ZNF638: variants seen among roughly 807,000 people sequenced by gnomAD.
ZNF638 encodes zinc finger protein 638.
Under a neutral mutation model 195.6 loss-of-function variants are expected in ZNF638, and 46 were observed. The observed-to-expected ratio is 0.24, with a 90% CI of 0.19 to 0.30. The LOEUF is 0.30. Among genes scored for constraint, ZNF638 ranks in the 10% least tolerant of loss-of-function variants. ZNF638 has a pLI of 1.00. For missense variants in ZNF638, 2,440 were observed against 2,325.3 expected (o/e 1.05, Z -1.01); for synonymous variants, 845 against 772.0 (o/e 1.09, Z -1.57).
At chr2:71,410,872 T>C (rs2080200650) in intron 20 of ZNF638, among the ~76,000 whole-genome samples, 1 of 151,674 alleles carries the variant, frequency 6.6e-6, no homozygotes, top group Non-Finnish European at 1.5e-5. Context: ...CCAGAATTTC[T>C]AAAGAGAGGG....
chr2:71,396,280 A>C (rs1363843374), intron 11 of ZNF638, 89 bp downstream of exon 11: 1 of 1,061,372 alleles, frequency 9.4e-7, no homozygotes, highest in African/African-American at 1.6e-5. Flanking sequence ...TGGATTTCAC[A>C]TGACATAGTC....
At chr2:71,365,803 T>G in intron 6 of ZNF638, 97 bp downstream of exon 6, 4 of 1,190,110 alleles carry the variant, frequency 3.4e-6, no homozygotes, top group South Asian at 3.3e-5. Flanking sequence ...CACTGCAGCC[T>G]CGATCTCCTG....
intron 27 of ZNF638, 127 bp downstream of exon 27, chr2:71,433,410 G>A (rs2080706515): frequency 2.9e-6 from 2 of 679,948 alleles, no homozygotes; most frequent in East Asian, 5.5e-5. Context: ...TTCCTCTTAA[G>A]TCCTGTTTTC....
chr2:71,407,434 A>C (rs1242850767), intron 19 of ZNF638: 1 of 152,228 alleles, frequency 6.6e-6, no homozygotes, highest in African/African-American at 2.4e-5. Flanking sequence ...TTTCCTTTAA[A>C]TAAGGATTAA....
chr2:71,400,554 C>A, intron 15 of ZNF638, 36 bp downstream of exon 15: 1 of 1,534,596 alleles, frequency 6.5e-7, no homozygotes, highest in South Asian at 1.2e-5. Flanking sequence ...CTTTAAAGCT[C>A]AAGACATTTT....
At chr2:71,399,484 C>A in intron 12 of ZNF638, 75 bp from the exon 13 acceptor site, 1 of 969,960 alleles carries the variant, frequency 1.0e-6, no homozygotes, top group Non-Finnish European at 1.6e-6. Context: ...AACTAATTTA[C>A]TAATACATTA....
At chr2:71,375,870 A>G (rs903547933) in intron 8 of ZNF638, 1 of 152,200 alleles carries the variant, frequency 6.6e-6, no homozygotes, top group Non-Finnish European at 1.5e-5. Context: ...GATAATGGTA[A>G]TGGTTTGTGG....
At chr2:71,372,283 C>T (rs1050447567) in intron 8 of ZNF638, among the ~76,000 whole-genome samples, 1 of 152,080 alleles carries the variant, frequency 6.6e-6, no homozygotes. Flanking sequence ...GCACTTTAGC[C>T]CATGGTAGTG....
intron 20 of ZNF638, chr2:71,418,228 T>A (rs1489343344): frequency 6.2e-6 from 1 of 161,880 alleles, no homozygotes; most frequent in Non-Finnish European, 1.3e-5. Context: ...GAAACTTTTT[T>A]AGTCAGCTGA....
chr2:71,393,299 G>A, intron 10 of ZNF638: 1 of 635,730 alleles, frequency 1.6e-6, no homozygotes, highest in Admixed American at 2.6e-5. Context: ...AAAACCCGCA[G>A]TTTTATGGAA....
intron 11 of ZNF638, among the ~76,000 whole-genome samples, chr2:71,398,362 T>A (rs1449560899): frequency 1.3e-5 from 2 of 152,298 alleles, no homozygotes; most frequent in South Asian, 2.1e-4. Context: ...CAGTTTTTTT[T>A]AAGTACTTAC....
chr2:71,366,397 TA>T (rs950021275), intron 6 of ZNF638, among the ~76,000 whole-genome samples: 15 of 152,280 alleles, frequency 9.9e-5, no homozygotes, highest in South Asian at 8.3e-4. Context: ...TTAACTTTTT[TA>T]TTCCGTGTTT....
intron 10 of ZNF638, chr2:71,395,597 G>A (rs1352382791): frequency 8.5e-6 from 5 of 586,412 alleles, no homozygotes; most frequent in Admixed American, 6.6e-5. Context: ...CTGCTCCCAA[G>A]GCGGTGGGGG....
chr2:71,363,610 G>T (rs866487522), intron 4 of ZNF638, among the ~76,000 whole-genome samples: 1 of 152,138 alleles, frequency 6.6e-6, no homozygotes, highest in African/African-American at 2.4e-5. Context: ...ATCTGTTTAC[G>T]TAAATCATTT....
At chr2:71,393,449 C>T (rs1292453031) in intron 10 of ZNF638, 1 of 718,366 alleles carries the variant, frequency 1.4e-6, no homozygotes, top group Non-Finnish European at 2.6e-6. Context: ...TGGCTAGGAC[C>T]CAACACAGTA....
chr2:71,426,534 G>T lies in ZNF638; in HGVS notation c.4665G>T (p.Gln1555His), dbSNP rs1199040970. 6.2e-7 allele frequency: 1 copy of T among 1,613,786 alleles called. No individual in the cohort carries two copies. The highest frequency in any genetic ancestry group is 8.5e-7 in the Non-Finnish European group (1 of 1,179,946). Residue 1555 changes from glutamine (Q) to histidine (H), a missense_variant, in exon 24 of 28, where the codon CAG becomes CAT. Coordinates refer to ENST00000264447, the MANE Select transcript of ZNF638 (RefSeq NM_014497.5). ...TTATAGAAGAAGTGAATCCTTCTCA[G>T]GCCAAGCAGAATCCACTAAAGGGAA... ...DEVIEEVNPSQAKQNPLKGKR... is the reference protein window; with the variant it reads ...DEVIEEVNPSHAKQNPLKGKR...
intron 24 of ZNF638, 71 bp downstream of exon 24, chr2:71,427,485 T>C: frequency 8.7e-7 from 1 of 1,155,820 alleles, no homozygotes; most frequent in South Asian, 1.7e-5. Flanking sequence ...TTAAAATACA[T>C]GTTGTGGCAT....
intron 1 of ZNF638, among the ~76,000 whole-genome samples, chr2:71,344,379 A>G (rs1317084199): frequency 1.3e-5 from 2 of 152,310 alleles, no homozygotes; most frequent in African/African-American, 2.4e-5. Flanking sequence ...AGCTTTTATA[A>G]TTGCAGAAGC....
At chr2:71,336,288 T>G (rs1404015046) in intron 1 of ZNF638, among the ~76,000 whole-genome samples, 2 of 147,960 alleles carry the variant, frequency 1.4e-5, no homozygotes, top group African/African-American at 5.0e-5. Flanking sequence ...GAGAATCGCT[T>G]GAAGCCGGGA....
Sources: gnomAD v4.1 joint callset for allele counts (sites outside exome capture counted in the v4.1 genomes callset) on GRCh38, gnomAD v4.1.1 for gene constraint, MANE v1.5 for transcripts, NCBI Gene and HGNC (gene_info 2026-07-23, HGNC 2026-07-21) for gene names.